The following ALS2CL variants were observed in gnomAD, a reference collection of about 807,000 sequenced individuals.
ALS2CL encodes the protein ALS2 C-terminal-like protein.
In ALS2CL, 112 loss-of-function variants were observed where a neutral mutation model predicts 127.9. The ratio of observed to expected loss-of-function variants is 0.88; its 90% CI spans 0.75 to 1.02. ALS2CL has a LOEUF of 1.02. ALS2CL is among the 50% of genes least tolerant of loss of function. The probability of loss-of-function intolerance (pLI) is 0.00; values close to 1 mark genes in which losing one functional copy is unlikely to be tolerated. For missense variants in ALS2CL, 1,174 were observed against 1,236.7 expected, an observed-to-expected ratio of 0.95 and a Z score of 0.76; for synonymous variants, 519 against 527.6, an observed-to-expected ratio of 0.98 and a Z score of 0.22.
chr3:46,676,214 C>G, intron 19 of ALS2CL, 31 bp downstream of exon 19: 1 of 1,606,166 alleles, frequency 6.2e-7, no homozygotes, highest in Non-Finnish European at 8.5e-7. Flanking sequence ...TGTCACAGGG[C>G]AGTAGCTGTC....
chr3:46,675,372 T>C (rs1698727697), intron 20 of ALS2CL: 2 of 502,950 alleles, frequency 4.0e-6, no homozygotes, highest in Admixed American at 7.0e-5. Context: ...AAAGATGAGA[T>C]TGGGATCATA....
intron 15 of ALS2CL, 106 bp downstream of exon 15, chr3:46,679,104 G>A (rs1699112207): frequency 8.3e-7 from 1 of 1,205,152 alleles, no homozygotes; most frequent in Admixed American, 2.5e-5. Context: ...AGGGAGGTGG[G>A]ACAGGCCCTC....
chr3:46,676,912 A>AGCAGGGCCTCCT lies in ALS2CL; in HGVS notation c.1856_1867dup (p.Gln619_Leu622dup), dbSNP rs1003323433. 6.2e-7 allele frequency: 1 copy of AGCAGGGCCTCCT among 1,612,302 alleles called. No homozygotes were observed. The highest frequency in any genetic ancestry group is 1.7e-5 in the Admixed American group (1 of 59,934). On this transcript the variant is annotated inframe_insertion, in exon 17 of 26. Coordinates refer to ENST00000318962, the MANE Select transcript of ALS2CL (RefSeq NM_147129.5). Reference sequence around the variant, plus strand: ...CCTGGAGCTCTGCACGTCGAAGCCCAGCAGGGCCTCCTGCAGGTCCCTGGG... The same window carrying AGCAGGGCCTCCT: ...CCTGGAGCTCTGCACGTCGAAGCCCAGCAGGGCCTCCTGCAGGGCCTCCTGCAGGTCCCTGGG...
intron 3 of ALS2CL, 88 bp from the exon 4 acceptor site, chr3:46,687,772 A>T (rs1699898795): frequency 7.2e-7 from 1 of 1,386,368 alleles, no homozygotes; most frequent in African/African-American, 1.4e-5. Context: ...GATCCCACCC[A>T]CTAGTCAGCT....
At position 46,688,209 on chromosome 3, in the gene ALS2CL, G is replaced by A. The variant is rs547215517; in HGVS notation, c.191C>T (p.Thr64Met). 3.5e-5 allele frequency: 56 copies of A among 1,613,040 alleles called. 1 individual carries two copies. Among genetic ancestry groups the A allele is most frequent in the Middle Eastern group, 1.6e-4 (1 of 6,062 alleles). Residue 64 changes from threonine (T) to methionine (M), a missense_variant, in exon 3 of 26, where the codon ACG (threonine) becomes ATG (methionine). Thr to Met is a moderately conservative substitution (Grantham distance 81). Transcript: ENST00000318962. ...HKSSQQLWEV[T>M]EESLHSLQER... ...CTGCAGTGAGTGCAGGCTTTCCTCC[G>A]TCACCTCCCAGAGTTGCTGGGAGCT...
intron 20 of ALS2CL, chr3:46,675,328 G>A: frequency 2.5e-6 from 1 of 392,682 alleles, no homozygotes; most frequent in Non-Finnish European, 4.6e-6. Flanking sequence ...GGGAGAGGAG[G>A]GTGCCTCGGG....
intron 16 of ALS2CL, 29 bp from the exon 17 acceptor site, chr3:46,677,051 G>C (rs1459643681): frequency 6.4e-7 from 1 of 1,572,162 alleles, no homozygotes; most frequent in African/African-American, 1.3e-5. Flanking sequence ...GTGGGTGATG[G>C]GGCAGAGAGA....
chr3:46,693,348 C>CCTCCTCCTGGCAGTCTCTCCTGCTGGCTG (rs1700279146), intron 1 of ALS2CL: 1 of 152,338 alleles, frequency 6.6e-6, no homozygotes, highest in African/African-American at 2.4e-5. Context: ...GCCGGCGTCA[C>CCTCCTCCTGGCAGTCTCTCCTGCTGGCTG]CTCCTCCTGG....
Position 46,677,014 on chromosome 3 carries a change from C to G in ALS2CL, c.1766G>C (p.Gly589Ala). 6.2e-7 allele frequency: 1 copy of G among 1,604,394 alleles called. No homozygotes were observed. Among genetic ancestry groups the G allele is most frequent in the Non-Finnish European group, 8.5e-7 (1 of 1,175,284 alleles). The stretch of plus-strand genomic sequence containing the variant: ...GCTTTCCACGGGGAAGGCACCCACG[C>G]CCAGCTGCCTGCGATGGGGATGGAG... ...DPSSTCKRQL[G>A]VGAFPVESRW... The change falls in exon 17 of 26, where the codon GGC (glycine) becomes GCC (alanine). Residue 589 changes from glycine (G) to alanine (A), a missense_variant. Transcript: ENST00000318962.
chr3:46,692,438 G>A (rs544024609), intron 1 of ALS2CL, among the ~76,000 whole-genome samples: 41 of 152,158 alleles, frequency 2.7e-4, no homozygotes, highest in African/African-American at 7.9e-4. Context: ...CAGTTCAAAG[G>A]TTCCTTAGTG....
At chr3:46,676,450 G>C in intron 18 of ALS2CL, 48 bp from the exon 19 acceptor site, 1 of 1,609,012 alleles carries the variant, frequency 6.2e-7, no homozygotes, top group Non-Finnish European at 8.5e-7. Context: ...CTGGGGTCTG[G>C]AGCACAGCAT....
In ALS2CL at chr3:46,676,965, G is replaced by A. The variant is rs1698892301; in HGVS notation, c.1815C>T (p.Pro605=). The change falls in exon 17 of 26, where the codon CCC becomes CCT. Residue 605 remains proline, a synonymous_variant. Transcript: ENST00000318962. The part of the protein sequence containing the change: ...VESRWQGVYS[P]FRDFVCAGCP... Reference sequence around the variant, plus strand: ...AGCCAGCACACACAAAGTCCCGGAAGGGGCTGTAGACTCCCTGCCAGCGGC... The same window carrying A: ...AGCCAGCACACACAAAGTCCCGGAAAGGGCTGTAGACTCCCTGCCAGCGGC... The A allele has an allele frequency of 6.2e-7, 1 of 1,613,330 alleles. No individual in the cohort carries two copies. Among genetic ancestry groups the A allele is most frequent in the South Asian group, 1.1e-5 (1 of 91,068 alleles).
intron 1 of ALS2CL, among the ~76,000 whole-genome samples, chr3:46,693,014 C>T (rs1700253030): frequency 6.6e-6 from 1 of 152,146 alleles, no homozygotes; most frequent in South Asian, 2.1e-4. Flanking sequence ...GTCTGGTGCC[C>T]AGTGGGGGAG....
In ALS2CL at chr3:46,683,316, T is replaced by C. The variant is rs200524200; in HGVS notation, c.923A>G (p.Gln308Arg). 3 of 1,585,492 alleles carry C rather than the reference T, an allele frequency of 1.9e-6. No homozygotes were observed. The highest frequency in any genetic ancestry group is 1.3e-5 in the African/African-American group (1 of 74,420). Reference sequence around the variant, plus strand: ...GTGAACAGCCCAGGTCACCTTCCACTGCCAGACTGCCTGGTGGGAGGGGGA... The same window carrying C: ...GTGAACAGCCCAGGTCACCTTCCACCGCCAGACTGCCTGGTGGGAGGGGGA... ...AKDSQGQAVW[Q>R]WKVTWAVHQA... Residue 308 changes from glutamine (Q) to arginine (R), a missense_variant, in exon 10 of 26, where the codon CAG (glutamine) becomes CGG (arginine). By Grantham distance (43) the Gln-to-Arg change is conservative (BLOSUM62 1). Coordinates refer to ENST00000318962, the MANE Select transcript of ALS2CL (RefSeq NM_147129.5).
intron 3 of ALS2CL, 97 bp downstream of exon 3, chr3:46,688,001 C>A: frequency 6.9e-7 from 1 of 1,441,684 alleles, no homozygotes; most frequent in Admixed American, 1.9e-5. Context: ...TTTGCTTGAA[C>A]CCTGACCCAT....
chr3:46,672,914 G>A (rs1380161271), intron 22 of ALS2CL, among the ~76,000 whole-genome samples: 4 of 152,200 alleles, frequency 2.6e-5, no homozygotes, highest in African/African-American at 9.7e-5. Flanking sequence ...GCTGAGGCAG[G>A]TTAGTCACTT....
chr3:46,671,760 C>T lies in ALS2CL; in HGVS notation c.2684+124G>A, dbSNP rs983823689. On this transcript the variant is annotated intron_variant, in intron 24 of 25. Coordinates refer to ENST00000318962, the MANE Select transcript of ALS2CL (RefSeq NM_147129.5). ...GGACCCTCCCTTTTCTGGGCCTTGG[C>T]TTCCCCATCTGTACAGAGAGAAGCT... is the stretch of plus-strand genomic sequence containing the variant. 6 of 1,525,794 alleles carry T rather than the reference C, an allele frequency of 3.9e-6. No homozygotes were observed. In the African/African-American group the frequency reaches 6.9e-5, roughly 17 times the overall value. The allele number at this position is 1,525,794 out of a possible 1,614,324, so 94.5% of individuals were successfully genotyped here. A position where few individuals can be genotyped will look rare whatever the true frequency, so the allele number is the denominator to read the frequency against.
intron 1 of ALS2CL, among the ~76,000 whole-genome samples, chr3:46,692,728 C>T (rs1467759874): frequency 6.6e-6 from 1 of 152,224 alleles, no homozygotes; most frequent in Admixed American, 6.5e-5. Flanking sequence ...TGGCCAGTCA[C>T]GGCGTGCCCA....
chr3:46,673,464 T>C, intron 21 of ALS2CL, 83 bp from the exon 22 acceptor site: 3 of 1,402,598 alleles, frequency 2.1e-6, no homozygotes, highest in Non-Finnish European at 2.9e-6. Context: ...CCTATGCCAC[T>C]GTTTCCCCCG....
Sources: gnomAD v4.1 joint callset for allele counts (sites outside exome capture counted in the v4.1 genomes callset) on GRCh38, gnomAD v4.1.1 for gene constraint, MANE v1.5 for transcripts, NCBI Gene and HGNC (gene_info 2026-07-23, HGNC 2026-07-21) for gene names.